INSL6: variants seen among roughly 807,000 people sequenced by gnomAD.
The protein encoded by INSL6 is insulin-like peptide INSL6.
INSL6 carries 16 observed loss-of-function variants against 9.4 expected under a neutral mutation model. The ratio of observed to expected loss-of-function variants is 1.70; its 90% confidence interval spans 1.15 to 2.59. INSL6 has a LOEUF of 2.59. INSL6 is among the 30% of genes most tolerant of loss of function. INSL6 has a pLI of 0.00. For missense variants in INSL6, 391 were observed against 257.3 expected (o/e 1.52, Z -3.56); for synonymous variants, 154 against 96.9 (o/e 1.59, Z -3.46).
chr9:5,069,718 T>G, the INSL6 span, among the ~76,000 whole-genome samples: 2 of 152,248 alleles, frequency 1.3e-5, no homozygotes, highest in East Asian at 3.9e-4. Flanking sequence ...AGGAAGTGAT[T>G]ATAATTTTGA....
chr9:5,111,532 C>T, the INSL6 span: 14 of 369,912 alleles, frequency 3.8e-5, no homozygotes, highest in South Asian at 2.5e-4. Flanking sequence ...CGCCCAGCAG[C>T]GCCTGTCCCG....
chr9:5,022,247 G>T, the INSL6 span: 1 of 1,456,778 alleles, frequency 6.9e-7, no homozygotes, highest in Non-Finnish European at 9.6e-7. Flanking sequence ...TCCTTTTTAT[G>T]CATGGATTGT....
intron 1 of INSL6, among the ~76,000 whole-genome samples, chr9:5,177,633 C>T (rs1825341115): frequency 6.6e-6 from 1 of 152,256 alleles, no homozygotes; most frequent in Non-Finnish European, 1.5e-5. Flanking sequence ...GCACGTCCCA[C>T]TTCCACAGCA....
the INSL6 span, among the ~76,000 whole-genome samples, chr9:5,074,559 C>G: frequency 6.6e-5 from 10 of 152,174 alleles, no homozygotes; most frequent in African/African-American, 2.4e-4. Flanking sequence ...TATAAGAAGG[C>G]AAACTTCATA....
chr9:5,058,886 T>A, the INSL6 span, among the ~76,000 whole-genome samples: 1 of 152,184 alleles, frequency 6.6e-6, no homozygotes, highest in African/African-American at 2.4e-5. Flanking sequence ...TAATCAGGTT[T>A]TTTTTGCTGA....
At chr9:5,132,109 T>C (rs1053962937) in intron 3 of INSL6, 10 of 152,172 alleles carry the variant, frequency 6.6e-5, no homozygotes, top group African/African-American at 2.2e-4. Context: ...TACCTTCTTA[T>C]TGAAGGACTT....
chr9:4,995,198 C>G, the INSL6 span, among the ~76,000 whole-genome samples: 1 of 152,136 alleles, frequency 6.6e-6, no homozygotes, highest in African/African-American at 2.4e-5. Flanking sequence ...TCACTCATAT[C>G]TTGGCCCACT....
At chr9:5,005,116 T>TAGG in the INSL6 span, among the ~76,000 whole-genome samples, 4 of 72,724 alleles carry the variant, frequency 5.5e-5, no homozygotes, top group African/African-American at 1.9e-4. Flanking sequence ...TTTTTTTTTT[T>TAGG]TTTTTTTTTT....
intron 3 of INSL6, among the ~76,000 whole-genome samples, chr9:5,124,862 C>T (rs1040553111): frequency 8.6e-5 from 13 of 151,452 alleles, no homozygotes; most frequent in African/African-American, 3.1e-4. Context: ...CTAGGACTCA[C>T]TTTAGAGCTT....
At chr9:5,052,450 C>G in the INSL6 span, among the ~76,000 whole-genome samples, 1 of 151,654 alleles carries the variant, frequency 6.6e-6, no homozygotes, top group African/African-American at 2.4e-5. Context: ...AGATATTAAA[C>G]ATTCATATAA....
the INSL6 span, among the ~76,000 whole-genome samples, chr9:5,020,413 G>A: frequency 6.6e-6 from 1 of 152,152 alleles, no homozygotes; most frequent in South Asian, 2.1e-4. Context: ...GCCCTCCAGT[G>A]GTGTTAGCAG....
intron 3 of INSL6, chr9:5,132,800 TCTTA>T (rs1341942291): frequency 6.6e-6 from 1 of 152,192 alleles, no homozygotes; most frequent in Non-Finnish European, 1.5e-5. Flanking sequence ...TCCTGGATAA[TCTTA>T]CTTGAGGGTG....
chr9:4,998,777 G>A, the INSL6 span, among the ~76,000 whole-genome samples: 2 of 151,440 alleles, frequency 1.3e-5, no homozygotes, highest in African/African-American at 4.9e-5. Flanking sequence ...AACCAGAAAA[G>A]GGATACATTT....
the INSL6 span, among the ~76,000 whole-genome samples, chr9:5,069,447 T>C: frequency 6.6e-6 from 1 of 152,204 alleles, no homozygotes; most frequent in Non-Finnish European, 1.5e-5. Flanking sequence ...ATGTGTGGTA[T>C]GATGTCATTT....
chr9:5,112,450 G>C, the INSL6 span: 5 of 534,334 alleles, frequency 9.4e-6, no homozygotes, highest in African/African-American at 9.9e-5. Context: ...GGAGAAGAAG[G>C]AGCTGAAGGA....
chr9:5,152,110 T>C (rs775333245), intron 2 of INSL6, among the ~76,000 whole-genome samples: 70 of 152,224 alleles, frequency 4.6e-4, no homozygotes, highest in Admixed American at 1.1e-3. Flanking sequence ...ATAAATGACC[T>C]GAGAAGGCAA....
chr9:5,093,341 A>C, the INSL6 span, among the ~76,000 whole-genome samples: 4 of 152,318 alleles, frequency 2.6e-5, no homozygotes, highest in South Asian at 8.3e-4. Flanking sequence ...GCCCAGTGAC[A>C]TATGTTCAAC....
At chr9:5,025,537 C>T in the INSL6 span, among the ~76,000 whole-genome samples, 3 of 120,786 alleles carry the variant, frequency 2.5e-5, no homozygotes, top group African/African-American at 1.1e-4. Flanking sequence ...GAGTTTGTTT[C>T]CTTTTTTTTT....
At chr9:5,037,677 A>G in the INSL6 span, among the ~76,000 whole-genome samples, 1 of 152,244 alleles carries the variant, frequency 6.6e-6, no homozygotes, top group East Asian at 1.9e-4. Flanking sequence ...TGGACACAGG[A>G]ATGGAACATC....
Sources: gnomAD v4.1 joint callset for allele counts (sites outside exome capture counted in the v4.1 genomes callset) on GRCh38, gnomAD v4.1.1 for gene constraint, MANE v1.5 for transcripts, NCBI Gene and HGNC (gene_info 2026-07-23, HGNC 2026-07-21) for gene names.